Variants in RPTOR observed in about 807,000 individuals in gnomAD.
The protein encoded by RPTOR is regulatory-associated protein of mTOR.
A neutral mutation model predicts 169.9 loss-of-function variants in RPTOR; 21 were observed. The observed-to-expected ratio is 0.12, with a 90% confidence interval of 0.09 to 0.18. RPTOR has a LOEUF of 0.18. Among genes scored for constraint, RPTOR ranks in the 10% least tolerant of loss-of-function variants. The pLI is 1.00. For synonymous variants in RPTOR, 732 were observed against 753.2 expected (o/e 0.97, Z 0.46); for missense variants, 1,133 against 1,855.9 (o/e 0.61, Z 7.16).
At chr17:80,632,858 G>A (rs2065452500) in intron 2 of RPTOR, among the ~76,000 whole-genome samples, 1 of 152,170 alleles carries the variant, frequency 6.6e-6, no homozygotes, top group African/African-American at 2.4e-5. Flanking sequence ...AGGCTGGAGT[G>A]CAGTGGCGTG....
At chr17:80,750,485 G>A (rs1371852441) in intron 5 of RPTOR, among the ~76,000 whole-genome samples, 1 of 152,172 alleles carries the variant, frequency 6.6e-6, no homozygotes, top group East Asian at 1.9e-4. Context: ...CGGAGGCCAG[G>A]GAGAGTGCGT....
chr17:80,896,843 G>A (rs892033073), intron 20 of RPTOR, among the ~76,000 whole-genome samples: 2 of 152,196 alleles, frequency 1.3e-5, no homozygotes, highest in African/African-American at 4.8e-5. Flanking sequence ...ATTTACTTAA[G>A]TCTTCTTTAT....
intron 1 of RPTOR, among the ~76,000 whole-genome samples, chr17:80,577,112 A>G (rs1183953989): frequency 2.0e-5 from 3 of 151,170 alleles, no homozygotes; most frequent in Non-Finnish European, 4.4e-5. Flanking sequence ...GCTCGCTGCA[A>G]CCTCTGCCTC....
intron 1 of RPTOR, among the ~76,000 whole-genome samples, chr17:80,601,467 A>C (rs2065186379): frequency 6.6e-6 from 1 of 151,534 alleles, no homozygotes; most frequent in South Asian, 2.1e-4. Context: ...GATGGGCAGA[A>C]CTTCTCATCC....
rs1016724639 is a variant in RPTOR at position 80,951,610 on chromosome 17, C to T, written c.3370+2063C>T. ...GGGAAACCTGGGTGTGGGCAGCAGG[C>T]GGGTGTGTCACTGCTGCTGCGGCTT... On this transcript the variant is annotated intron_variant, in intron 28 of 33. Coordinates refer to ENST00000306801, the MANE Select transcript of RPTOR (RefSeq NM_020761.3). Among the ~76,000 whole-genome samples, 6 of 152,332 alleles carry T rather than the reference C, an allele frequency of 3.9e-5. No individual in the cohort carries two copies. In the South Asian group the frequency reaches 1.0e-3, roughly 26 times the overall value.
rs981960287 is a variant in RPTOR at position 80,893,483 on chromosome 17, G to C, written c.2243-224G>C. On this transcript the variant is annotated intron_variant, in intron 19 of 33. Coordinates refer to ENST00000306801, the MANE Select transcript of RPTOR (RefSeq NM_020761.3). ...CGCCAGGTTGTGTCTGTACGCGCCA[G>C]GGTGTGTGCGCCAGGGTGTGTGTGT... Among the ~76,000 whole-genome samples, 26 of 88,386 alleles carry C rather than the reference G, an allele frequency of 2.9e-4. 1 individual carries two copies. The Middle Eastern group carries it at 0.019, about 65-fold the overall frequency. The allele number at this position is 88,386 out of a possible 152,430, so 58.0% of individuals were successfully genotyped here.
Position 80,820,925 on chromosome 17 carries a change from G to A in RPTOR, c.891-1276G>A, listed in dbSNP as rs965891663. 3.9e-5 allele frequency among the ~76,000 whole-genome samples: 6 copies of A among 152,196 alleles called. No individual in the cohort carries two copies. Among genetic ancestry groups the A allele is most frequent in the African/African-American group, 1.4e-4 (6 of 41,440 alleles). ...TGGGTAAACTGGTCTCCACTGTGGA[G>A]GTCGAAATTTTTCTTGAATTTGGAA... is the stretch of plus-strand genomic sequence containing the variant. On this transcript the variant is annotated intron_variant, in intron 7 of 33. Transcript: ENST00000306801. The surrounding 1 kb of genome is among the most constrained non-coding windows in gnomAD (Gnocchi z 4.1).
At chr17:80,751,485 A>G (rs2066629665) in intron 5 of RPTOR, among the ~76,000 whole-genome samples, 1 of 152,168 alleles carries the variant, frequency 6.6e-6, no homozygotes. Context: ...AGCCGTGAGA[A>G]ATACTAAGAA....
At chr17:80,623,863 G>C (rs1375930528) in intron 1 of RPTOR, among the ~76,000 whole-genome samples, 1 of 151,986 alleles carries the variant, frequency 6.6e-6, no homozygotes, top group Non-Finnish European at 1.5e-5. Flanking sequence ...AGGAACATTC[G>C]AATTATTTTC....
intron 10 of RPTOR, among the ~76,000 whole-genome samples, chr17:80,841,732 G>A (rs1381065017): frequency 1.2e-4 from 16 of 129,384 alleles, no homozygotes; most frequent in Middle Eastern, 5.2e-3. Flanking sequence ...TCACCACACC[G>A]CAGCTCACTC....
chr17:80,707,896 C>T lies in RPTOR; in HGVS notation c.404C>T (p.Thr135Met), dbSNP rs1006399505. 5.6e-6 allele frequency: 9 copies of T among 1,613,930 alleles called. No individual in the cohort carries two copies. The highest frequency in any genetic ancestry group is 1.3e-5 in the African/African-American group (1 of 74,926). ...GTGGATGAAGTCAAGAAGCTCTGCA[C>T]GTCCTTACGTCGCAACGCCAAGGAG... ...PTVDEVKKLC[T>M]SLRRNAKEER... Residue 135 changes from threonine to methionine, a missense_variant, in exon 4 of 34, where the codon ACG becomes ATG. Physicochemically the swap from Thr to Met is moderately conservative, Grantham distance 81. Transcript: ENST00000306801. This position sits in a 1 kb window ranked among gnomAD's most constrained non-coding sequence, Gnocchi z 5.0.
intron 7 of RPTOR, chr17:80,805,381 C>A: frequency 6.6e-6 from 1 of 152,444 alleles, no homozygotes; most frequent in Non-Finnish European, 1.5e-5. Context: ...CTGGAGGCGG[C>A]CAGTGCCTCC....
In RPTOR at chr17:80,841,102, ACTCT is replaced by A. The variant is rs1193666479; in HGVS notation, c.1212+3110_1212+3113del. Among the ~76,000 whole-genome samples the A allele has an allele frequency of 7.7e-5, 5 of 64,632 alleles. 1 individual carries two copies. The highest frequency in any genetic ancestry group is 5.8e-4 in the African/African-American group (5 of 8,664). 42.4% of individuals were successfully genotyped at this position (64,632 alleles called of 152,430 possible). A position where few individuals can be genotyped will look rare whatever the true frequency, so the allele number is the denominator to read the frequency against. ...ACTCACTCTCACCACACGGCAGCTC[ACTCT>A]CTCTGCACCGCAGCTCACACTCACC... On this transcript the variant is annotated intron_variant, in intron 10 of 33. Transcript: ENST00000306801.
chr17:80,964,498 T>A lies in RPTOR; in HGVS notation c.*168T>A. On this transcript the variant is annotated 3_prime_UTR_variant, in exon 34 of 34. Transcript: ENST00000306801. The stretch of plus-strand genomic sequence containing the variant: ...CCCTGCTACTCGCTTTTGTCTGTCT[T>A]CGCTGTCGTGTCTGGAATGTCAGGG... 3 of 659,496 alleles carry A rather than the reference T, an allele frequency of 4.5e-6. No homozygotes were observed. The South Asian group carries it at 5.4e-5, about 12-fold the overall frequency. The allele number at this position is 659,496 out of a possible 1,614,324, so 40.9% of individuals were successfully genotyped here.
At chr17:80,797,981 C>T (rs1037537501) in intron 7 of RPTOR, among the ~76,000 whole-genome samples, 4 of 152,210 alleles carry the variant, frequency 2.6e-5, no homozygotes, top group Non-Finnish European at 2.9e-5. Flanking sequence ...CTGATGAATG[C>T]GGCCCCTGTG....
At chr17:80,772,491 C>A (rs11655184) in intron 6 of RPTOR, among the ~76,000 whole-genome samples, 18,093 of 129,584 alleles carry the variant, frequency 0.14, 1,826 homozygotes, top group Non-Finnish European at 0.2. Context: ...GACCCCCTTC[C>A]TCTCCCTCCA....
At chr17:80,891,861 C>G (rs748936444) in intron 18 of RPTOR, 24 bp downstream of exon 18, 2 of 1,514,686 alleles carry the variant, frequency 1.3e-6, no homozygotes, top group Non-Finnish European at 1.8e-6. Flanking sequence ...TCCTGTGAAC[C>G]CGCAGAGCAC....
intron 1 of RPTOR, among the ~76,000 whole-genome samples, chr17:80,588,004 G>A (rs1156592314): frequency 6.6e-6 from 1 of 152,004 alleles, no homozygotes; most frequent in African/African-American, 2.4e-5. Context: ...GATTTCTCAT[G>A]TAAGTGACAT....
At chr17:80,930,384 A>G (rs2068874919) in intron 24 of RPTOR, among the ~76,000 whole-genome samples, 1 of 8,632 alleles carries the variant, frequency 1.2e-4, no homozygotes, top group Non-Finnish European at 2.2e-4. Flanking sequence ...TCCCCAGCTC[A>G]GCTCAGCTCA....
Sources: gnomAD v4.1 joint callset for allele counts (sites outside exome capture counted in the v4.1 genomes callset) on GRCh38, gnomAD v4.1.1 for gene constraint, Gnocchi (gnomAD v3.1) non-coding constraint, MANE v1.5 for transcripts, NCBI Gene and HGNC (gene_info 2026-07-23, HGNC 2026-07-21) for gene names.